The following SLC66A1 variants were observed in gnomAD, a reference collection of about 807,000 sequenced individuals.
SLC66A1 encodes the protein lysosomal amino acid transporter 1 homolog.
A neutral mutation model predicts 33.0 loss-of-function variants in SLC66A1; 23 were observed. The observed-to-expected ratio is 0.70, with a 90% CI of 0.50 to 0.99. The LOEUF (loss-of-function observed/expected upper bound fraction) is 0.99. Ranked by LOEUF, SLC66A1 falls within the 50% of genes least tolerant of loss-of-function variation. The probability of loss-of-function intolerance (pLI) is 0.00; values close to 1 mark genes in which losing one functional copy is unlikely to be tolerated. For synonymous variants in SLC66A1, 164 were observed against 175.5 expected (o/e 0.93, Z 0.52); for missense variants, 335 against 383.6 (o/e 0.87, Z 1.06).
intron 1 of SLC66A1, among the ~76,000 whole-genome samples, chr1:19,313,511 G>A (rs1387766468): frequency 6.6e-6 from 1 of 152,204 alleles, no homozygotes; most frequent in African/African-American, 2.4e-5. Flanking sequence ...GCGTTCTTCA[G>A]GTGTGTGGAC....
At chr1:19,320,269 T>G (rs2093827693) in intron 2 of SLC66A1, among the ~76,000 whole-genome samples, 1 of 152,074 alleles carries the variant, frequency 6.6e-6, no homozygotes, top group Admixed American at 6.6e-5. Context: ...GAGTAGAATT[T>G]CTGGGTCCTA....
intron 6 of SLC66A1, 63 bp from the exon 7 acceptor site, chr1:19,327,164 G>T: frequency 6.8e-7 from 1 of 1,471,676 alleles, no homozygotes; most frequent in South Asian, 1.2e-5. Context: ...CATGTGGACA[G>T]TTACAATCCA....
At chr1:19,313,331 C>G in intron 1 of SLC66A1, 1 of 774,582 alleles carries the variant, frequency 1.3e-6, no homozygotes. Flanking sequence ...TCCTTTCTCA[C>G]CCGTTTCCTC....
At chr1:19,318,786 CAAAA>C (rs34811529) in intron 2 of SLC66A1, among the ~76,000 whole-genome samples, 1 of 131,772 alleles carries the variant, frequency 7.6e-6, no homozygotes. Context: ...CCATCTCTAC[CAAAA>C]AAAAAAAAAA....
intron 2 of SLC66A1, 35 bp from the exon 3 acceptor site, chr1:19,324,598 C>G: frequency 6.2e-7 from 1 of 1,613,336 alleles, no homozygotes. Context: ...GTAAGGTGGC[C>G]TGAGCATGCA....
At chr1:19,327,754 C>T (rs2093877160) in intron 7 of SLC66A1, 1 of 463,222 alleles carries the variant, frequency 2.2e-6, no homozygotes, top group African/African-American at 2.0e-5. Flanking sequence ...ACAAGAGCGT[C>T]TAGCCAGGGA....
intron 1 of SLC66A1, among the ~76,000 whole-genome samples, chr1:19,314,663 C>A (rs1388536445): frequency 1.3e-5 from 2 of 152,186 alleles, no homozygotes; most frequent in African/African-American, 4.8e-5. Context: ...CAGGCTCAGG[C>A]AGGTTAATTC....
chr1:19,316,574 G>A (rs1003297), intron 1 of SLC66A1, among the ~76,000 whole-genome samples: 46,813 of 151,542 alleles, frequency 0.31, 7,343 homozygotes, highest in Middle Eastern at 0.37. Context: ...AATTTTTCAT[G>A]GAGACAGCGT....
chr1:19,313,514 G>A (rs1228119512), intron 1 of SLC66A1, among the ~76,000 whole-genome samples: 1 of 152,206 alleles, frequency 6.6e-6, no homozygotes, highest in Admixed American at 6.5e-5. Context: ...TTCTTCAGGT[G>A]TGTGGACAAG....
intron 7 of SLC66A1, 105 bp downstream of exon 7, chr1:19,327,517 G>GTCCATCCA: frequency 1.2e-6 from 1 of 845,434 alleles, no homozygotes; most frequent in Non-Finnish European, 1.7e-6. Flanking sequence ...TCATCCATCC[G>GTCCATCCA]TCCATCCATC....
chr1:19,321,212 C>T (rs1399821167), intron 2 of SLC66A1, among the ~76,000 whole-genome samples: 6 of 109,978 alleles, frequency 5.5e-5, no homozygotes, highest in Non-Finnish European at 1.0e-4. Context: ...CATACTCTGT[C>T]CCCCAGGCTG....
intron 1 of SLC66A1, among the ~76,000 whole-genome samples, chr1:19,314,666 G>C (rs2093795747): frequency 1.3e-5 from 2 of 152,218 alleles, no homozygotes; most frequent in South Asian, 4.1e-4. Flanking sequence ...GCTCAGGCAG[G>C]TTAATTCACT....
Position 19,329,062 on chromosome 1 carries a change from GC to G in SLC66A1, c.*421del, listed in dbSNP as rs2093884862. 5.1e-6 allele frequency: 1 copy of G among 196,686 alleles called. No individual in the cohort carries two copies. Among genetic ancestry groups the G allele is most frequent in the Non-Finnish European group, 1.0e-5 (1 of 95,890 alleles). The allele number at this position is 196,686 out of a possible 1,614,324, so 12.2% of individuals were successfully genotyped here. On this transcript the variant is annotated 3_prime_UTR_variant, in exon 8 of 8. Coordinates refer to ENST00000375153, the MANE Select transcript of SLC66A1 (RefSeq NM_001040125.2). ...ACTTGACGTCCGTAGTTCGAGACCA[GC>G]CTGGCCAACATGGTGAAACCCCATC...
chr1:19,324,054 A>G (rs1044394086), intron 2 of SLC66A1, among the ~76,000 whole-genome samples: 5 of 152,224 alleles, frequency 3.3e-5, no homozygotes, highest in Non-Finnish European at 7.3e-5. Context: ...GAAAACAACC[A>G]GGGGACCAAA....
chr1:19,321,084 T>G (rs12410435), intron 2 of SLC66A1, among the ~76,000 whole-genome samples: 59,912 of 148,792 alleles, frequency 0.4, 14,191 homozygotes, highest in South Asian at 0.53. Flanking sequence ...CAGTTTATTT[T>G]TTCTCTTTTG....
chr1:19,327,542 T>TCCCTCCCC lies in SLC66A1; in HGVS notation c.804+137_804+138insCCCCTCCC, dbSNP rs2093875413. The TCCCTCCCC allele has an allele frequency of 8.3e-6, 7 of 844,948 alleles. No homozygotes were observed. The African/African-American group carries it at 1.1e-4, about 13-fold the overall frequency. The allele number at this position is 844,948 out of a possible 1,614,324, so 52.3% of individuals were successfully genotyped here. ...GTCCATCCATCCATCCCTCCCTCCC[T>TCCCTCCCC]CCCTCCCTCCCTCCATCTGTTCACC... is the stretch of plus-strand genomic sequence containing the variant. On this transcript the variant is annotated intron_variant, in intron 7 of 7. Coordinates refer to ENST00000375153, the MANE Select transcript of SLC66A1 (RefSeq NM_001040125.2).
intron 4 of SLC66A1, 59 bp downstream of exon 4, chr1:19,325,641 G>GGT (rs1553263046): frequency 0.32 from 334,076 of 1,058,424 alleles, 61,148 homozygotes; most frequent in South Asian, 0.36. Flanking sequence ...GCAGTTGTGG[G>GGT]GGGGGGCGCC....
At chr1:19,322,086 G>A (rs1471108680) in intron 2 of SLC66A1, among the ~76,000 whole-genome samples, 1 of 151,978 alleles carries the variant, frequency 6.6e-6, no homozygotes, top group African/African-American at 2.4e-5. Context: ...GGAGGAAGGA[G>A]CAGAGTGACA....
In SLC66A1 at chr1:19,325,636, T is replaced by TGG. The variant is rs201929770; in HGVS notation, c.382+55_382+56insGG. On this transcript the variant is annotated intron_variant, in intron 4 of 7. Transcript: ENST00000375153. ...TGCTCTACCAGCAGCAGGGGGCAGT[T>TGG]GTGGGGGGGGGCGCCTGGAGTGTGG... 9.4e-3 allele frequency: 3,535 copies of TGG among 374,454 alleles called. 95 individuals are homozygous for TGG. The highest frequency in any genetic ancestry group is 0.071 in the African/African-American group (2,776 of 38,842). The allele number at this position is 374,454 out of a possible 1,614,324, so 23.2% of individuals were successfully genotyped here.
Sources: gnomAD v4.1 joint callset for allele counts (sites outside exome capture counted in the v4.1 genomes callset) on GRCh38, gnomAD v4.1.1 for gene constraint, MANE v1.5 for transcripts, NCBI Gene and HGNC (gene_info 2026-07-23, HGNC 2026-07-21) for gene names.